Variants in LRRC8D observed in about 807,000 individuals in gnomAD.
LRRC8D encodes leucine rich repeat containing 8 VRAC subunit D.
Under a neutral mutation model 55.8 loss-of-function variants are expected in LRRC8D, and 20 were observed. The observed-to-expected ratio is 0.36, with a 90% CI of 0.25 to 0.52. The LOEUF is 0.52. LRRC8D is among the 20% of genes least tolerant of loss of function. The probability of loss-of-function intolerance (pLI) is 0.93; values close to 1 mark genes in which losing one functional copy is unlikely to be tolerated. For synonymous variants in LRRC8D, 352 were observed against 377.0 expected, an observed-to-expected ratio of 0.93 and a Z score of 0.77; for missense variants, 651 against 1,030.8, an observed-to-expected ratio of 0.63 and a Z score of 5.05.
At chr1:89,847,572 T>C (rs1049370801) in intron 2 of LRRC8D, among the ~76,000 whole-genome samples, 17 of 152,096 alleles carry the variant, frequency 1.1e-4, no homozygotes, top group African/African-American at 4.1e-4. Flanking sequence ...CAAGGAAAAG[T>C]TAATGGCCAA....
chr1:89,839,934 A>G (rs947553494), intron 1 of LRRC8D, among the ~76,000 whole-genome samples: 1 of 152,228 alleles, frequency 6.6e-6, no homozygotes, highest in Non-Finnish European at 1.5e-5. Context: ...GAAGAAAGAT[A>G]AGCAGCATTG....
chr1:89,902,318 C>G (rs1354418452), intron 2 of LRRC8D, among the ~76,000 whole-genome samples: 1 of 152,154 alleles, frequency 6.6e-6, no homozygotes, highest in East Asian at 1.9e-4. Context: ...AGCCCTAAAT[C>G]CCATGATTGT....
intron 2 of LRRC8D, among the ~76,000 whole-genome samples, chr1:89,899,007 GTTGGGC>G (rs1263867024): frequency 6.6e-6 from 1 of 152,218 alleles, no homozygotes; most frequent in Non-Finnish European, 1.5e-5. Flanking sequence ...AGGTGTTCCA[GTTGGGC>G]TTTTCATCTT....
chr1:89,855,535 T>C (rs959509694), intron 2 of LRRC8D, among the ~76,000 whole-genome samples: 4 of 152,190 alleles, frequency 2.6e-5, no homozygotes, highest in Non-Finnish European at 4.4e-5. Flanking sequence ...AATTTCCTTT[T>C]CCCCCATTAA....
intron 2 of LRRC8D, among the ~76,000 whole-genome samples, chr1:89,901,257 G>T (rs1175842214): frequency 6.6e-6 from 1 of 152,200 alleles, no homozygotes; most frequent in Non-Finnish European, 1.5e-5. Context: ...GCGTAAAGGA[G>T]ATGTGCTGAG....
chr1:89,882,297 A>G (rs960162897), intron 2 of LRRC8D, among the ~76,000 whole-genome samples: 9 of 152,256 alleles, frequency 5.9e-5, no homozygotes, highest in African/African-American at 2.2e-4. Context: ...CCCTGCTGTC[A>G]TGGTAATTTA....
chr1:89,864,303 G>T (rs1661791038), intron 2 of LRRC8D, among the ~76,000 whole-genome samples: 1 of 152,106 alleles, frequency 6.6e-6, no homozygotes, highest in South Asian at 2.1e-4. Context: ...GTAAGAAATT[G>T]CAAGAAAAAC....
intron 2 of LRRC8D, among the ~76,000 whole-genome samples, chr1:89,924,453 T>G (rs1663503060): frequency 6.6e-6 from 1 of 152,204 alleles, no homozygotes; most frequent in Admixed American, 6.5e-5. Context: ...AGAAAACACT[T>G]ACGCACTGCT....
intron 2 of LRRC8D, among the ~76,000 whole-genome samples, chr1:89,900,986 C>A (rs1662834806): frequency 1.3e-5 from 2 of 152,154 alleles, no homozygotes; most frequent in Admixed American, 1.3e-4. Flanking sequence ...GGCTTTCCTG[C>A]CATACGTTAT....
At chr1:89,932,708 A>C (rs1663742574) in intron 2 of LRRC8D, among the ~76,000 whole-genome samples, 1 of 152,224 alleles carries the variant, frequency 6.6e-6, no homozygotes, top group South Asian at 2.1e-4. Context: ...ACAAAATAAG[A>C]GTCATCCCAC....
intron 2 of LRRC8D, among the ~76,000 whole-genome samples, chr1:89,899,598 C>T (rs1266956401): frequency 6.6e-6 from 1 of 152,206 alleles, no homozygotes; most frequent in Non-Finnish European, 1.5e-5. Flanking sequence ...GCTTTTAGAA[C>T]AATTTGAACA....
rs143722097 is a variant in LRRC8D, at chr1:89,853,526, C to T, written c.-3+9744C>T. The stretch of plus-strand genomic sequence containing the variant: ...AAACAAAAGTGACAACATTGAGTAC[C>T]CGGTGCTTTTTGTTTGTTTGTTTTT... On this transcript the variant is annotated intron_variant, in intron 2 of 2. Transcript: ENST00000337338. Among the ~76,000 whole-genome samples the T allele has an allele frequency of 2.1e-3, 321 of 152,248 alleles. 2 individuals are homozygous for T. The highest frequency in any genetic ancestry group is 7.1e-3 in the African/African-American group (295 of 41,538).
intron 2 of LRRC8D, among the ~76,000 whole-genome samples, chr1:89,918,194 T>A (rs1663321566): frequency 6.6e-6 from 1 of 152,234 alleles, no homozygotes; most frequent in East Asian, 1.9e-4. Flanking sequence ...TCATACCATT[T>A]CATCATGAAA....
intron 2 of LRRC8D, among the ~76,000 whole-genome samples, chr1:89,914,462 G>A (rs1335086671): frequency 6.6e-6 from 1 of 152,264 alleles, no homozygotes; most frequent in Non-Finnish European, 1.5e-5. Flanking sequence ...GGGAGCCCAG[G>A]CAGAGGAGGT....
chr1:89,868,185 C>T (rs1191619853), intron 2 of LRRC8D, among the ~76,000 whole-genome samples: 2 of 152,168 alleles, frequency 1.3e-5, no homozygotes, highest in Non-Finnish European at 2.9e-5. Flanking sequence ...GCCATCTATA[C>T]ATTTTCTAGT....
chr1:89,871,814 C>G (rs897597218), intron 2 of LRRC8D, among the ~76,000 whole-genome samples: 2 of 152,138 alleles, frequency 1.3e-5, no homozygotes, highest in Non-Finnish European at 2.9e-5. Context: ...TTCAGTGGCT[C>G]TTTTCTGAAA....
At chr1:89,844,334 G>C (rs1429066764) in intron 2 of LRRC8D, among the ~76,000 whole-genome samples, 1 of 152,148 alleles carries the variant, frequency 6.6e-6, no homozygotes, top group African/African-American at 2.4e-5. Context: ...AGAGGACCCC[G>C]GTTCCTTGGT....
At chr1:89,893,100 A>T (rs1169732755) in intron 2 of LRRC8D, among the ~76,000 whole-genome samples, 1 of 152,244 alleles carries the variant, frequency 6.6e-6, no homozygotes, top group Non-Finnish European at 1.5e-5. Context: ...AACCAAAAAC[A>T]TAAACAAGAT....
At chr1:89,843,963 G>A (rs1028532366) in intron 2 of LRRC8D, among the ~76,000 whole-genome samples, 181 bp downstream of exon 2, 6 of 91,678 alleles carry the variant, frequency 6.5e-5, no homozygotes, top group South Asian at 4.3e-4. Context: ...GGTTCGGGCC[G>A]GCGGAAGGCC....
Sources: gnomAD v4.1 joint callset for allele counts (sites outside exome capture counted in the v4.1 genomes callset) on GRCh38, gnomAD v4.1.1 for gene constraint, MANE v1.5 for transcripts, NCBI Gene and HGNC (gene_info 2026-07-23, HGNC 2026-07-21) for gene names.